RIMBP2: variants seen among roughly 807,000 people sequenced by gnomAD.
The protein encoded by RIMBP2 is RIMS-binding protein 2.
In RIMBP2, 48 loss-of-function variants were observed where a neutral mutation model predicts 118.6. The observed-to-expected ratio is 0.40, with a 90% CI of 0.32 to 0.51. The LOEUF is 0.51. Among genes scored for constraint, RIMBP2 ranks in the 20% least tolerant of loss-of-function variants. The probability of loss-of-function intolerance (pLI) is 0.41; values close to 1 mark genes in which losing one functional copy is unlikely to be tolerated. For synonymous variants in RIMBP2, 762 were observed against 742.9 expected (o/e 1.03, Z -0.42); for missense variants, 1,551 against 1,768.3 (o/e 0.88, Z 2.20).
intron 9 of RIMBP2, among the ~76,000 whole-genome samples, chr12:130,448,877 C>T (rs529843732): frequency 1.2e-4 from 18 of 152,366 alleles, no homozygotes; most frequent in Middle Eastern, 3.4e-3. Context: ...GTATTACCAA[C>T]GAGCGGAATG....
At chr12:130,524,640 G>T (rs530438914) in intron 2 of RIMBP2, among the ~76,000 whole-genome samples, 67 of 152,322 alleles carry the variant, frequency 4.4e-4, no homozygotes, top group Non-Finnish European at 6.9e-4. Flanking sequence ...TGAAATAATA[G>T]AAAAATAATA....
rs1306786371 is a variant in RIMBP2 at position 130,713,134 on chromosome 12, G to A, written c.-352+3088C>T. ...AAGGAGAGAAAGAGAGGGAAGAAGG[G>A]GACAGAGACTGAAAGAAACGGAATA... On this transcript the variant is annotated intron_variant, in intron 1 of 22. Transcript: ENST00000690449. Among the ~76,000 whole-genome samples the A allele has an allele frequency of 4.5e-4, 3 of 6,656 alleles. No homozygotes were observed. In the Non-Finnish European group the frequency reaches 0.026, roughly 58 times the overall value. The allele number at this position is 6,656 out of a possible 152,430, so 4.4% of individuals were successfully genotyped here.
intron 2 of RIMBP2, among the ~76,000 whole-genome samples, chr12:130,530,252 T>A (rs1158432415): frequency 6.6e-6 from 1 of 152,192 alleles, no homozygotes; most frequent in Admixed American, 6.5e-5. Flanking sequence ...ATATGTTCAA[T>A]ATGGCTCCTT....
At chr12:130,616,784 G>T (rs1184573944) in intron 2 of RIMBP2, among the ~76,000 whole-genome samples, 1 of 152,168 alleles carries the variant, frequency 6.6e-6, no homozygotes, top group Non-Finnish European at 1.5e-5. Context: ...CTTCTACATC[G>T]CCATGTGGCA....
chr12:130,454,518 G>C (rs775590795), intron 7 of RIMBP2, among the ~76,000 whole-genome samples: 1 of 152,232 alleles, frequency 6.6e-6, no homozygotes, highest in Non-Finnish European at 1.5e-5. Flanking sequence ...AATGCCAGGG[G>C]ATATGGGCAT....
chr12:130,414,292 C>A lies in RIMBP2; in HGVS notation c.3253G>T (p.Asp1085Tyr), dbSNP rs2075962674. Residue 1085 changes from aspartate (D) to tyrosine (Y), a missense_variant, in exon 18 of 23, where the codon GAC (aspartate) becomes TAC (tyrosine). Transcript: ENST00000690449. Reference sequence around the variant, plus strand: ...TCATAGAAGTCTGGAGAAAGGCGGTCTCGCCCGTAATCGTCTGCGAGCAAG... The same window carrying A: ...TCATAGAAGTCTGGAGAAAGGCGGTATCGCCCGTAATCGTCTGCGAGCAAG... ...TVPSIDDYGR[D>Y]RLSPDFYEES... is the part of the protein sequence containing the mutation. The A allele has an allele frequency of 6.3e-7, 1 of 1,595,824 alleles. No homozygotes were observed. Among genetic ancestry groups the A allele is most frequent in the African/African-American group, 1.3e-5 (1 of 74,448 alleles).
At chr12:130,676,180 G>T (rs980094581) in intron 1 of RIMBP2, among the ~76,000 whole-genome samples, 1 of 152,200 alleles carries the variant, frequency 6.6e-6, no homozygotes, top group Non-Finnish European at 1.5e-5. Context: ...CGTTGATGGG[G>T]TTTTGCCACA....
intron 7 of RIMBP2, among the ~76,000 whole-genome samples, chr12:130,455,779 T>A (rs2079385639): frequency 1.3e-5 from 2 of 152,140 alleles, no homozygotes. Flanking sequence ...TTAAACCAAC[T>A]TCTTAAACAG....
intron 19 of RIMBP2, among the ~76,000 whole-genome samples, chr12:130,411,319 A>C (rs7978246): frequency 0.77 from 117,022 of 151,964 alleles, 45,208 homozygotes; most frequent in South Asian, 0.9. Flanking sequence ...GTATTCCTTC[A>C]TTTCCAGTCT....
intron 2 of RIMBP2, among the ~76,000 whole-genome samples, chr12:130,608,740 T>C (rs921262228): frequency 2.6e-5 from 4 of 152,244 alleles, no homozygotes; most frequent in Non-Finnish European, 5.9e-5. Context: ...CCTTGTGGAA[T>C]GGTTAAATCT....
intron 2 of RIMBP2, among the ~76,000 whole-genome samples, chr12:130,565,226 T>C (rs912917623): frequency 1.3e-5 from 2 of 152,302 alleles, no homozygotes. Flanking sequence ...ATGCCTATTA[T>C]TTAAAATAAT....
At chr12:130,563,748 A>G (rs1002546929) in intron 2 of RIMBP2, among the ~76,000 whole-genome samples, 2 of 152,032 alleles carry the variant, frequency 1.3e-5, no homozygotes, top group Non-Finnish European at 2.9e-5. Context: ...GTTCACAGGT[A>G]CTCTCATCTC....
chr12:130,537,135 G>A (rs1051774684), intron 2 of RIMBP2, among the ~76,000 whole-genome samples: 9 of 152,096 alleles, frequency 5.9e-5, no homozygotes, highest in Non-Finnish European at 1.0e-4. Context: ...GGGGTTCCAG[G>A]GCAGAACAAT....
chr12:130,503,266 T>C (rs1312774723), intron 4 of RIMBP2, among the ~76,000 whole-genome samples: 1 of 151,462 alleles, frequency 6.6e-6, no homozygotes, highest in Non-Finnish European at 1.5e-5. Flanking sequence ...TGTGGTGGTG[T>C]GTGTCTGTAA....
Position 130,703,688 on chromosome 12 carries a change from G to A in RIMBP2, c.-352+12534C>T, listed in dbSNP as rs534386305. 4.1e-4 allele frequency among the ~76,000 whole-genome samples: 63 copies of A among 152,342 alleles called. No individual in the cohort carries two copies. The highest frequency in any genetic ancestry group is 1.3e-3 in the African/African-American group (56 of 41,586). ...CCACCGCTCAGCCTCCCCTGGGGTC[G>A]GGTGGCTTCTCCACGTCTTAAATAA... On this transcript the variant is annotated intron_variant, in intron 1 of 22. Coordinates refer to ENST00000690449, the MANE Select transcript of RIMBP2 (RefSeq NM_001393629.1). This position sits in a 1 kb window ranked among gnomAD's most constrained non-coding sequence, Gnocchi z 5.7.
In RIMBP2 at chr12:130,496,520, G is replaced by A. The variant is rs144174828; in HGVS notation, c.-4+10128C>T. ...GCAGCTCTGGGGTAGAGGAGGCTGC[G>A]AGGGGTGAGGCTCCATCCACTTCCT... is the stretch of plus-strand genomic sequence containing the variant. On this transcript the variant is annotated intron_variant, in intron 4 of 22. Coordinates refer to ENST00000690449, the MANE Select transcript of RIMBP2 (RefSeq NM_001393629.1). 2.3e-4 allele frequency among the ~76,000 whole-genome samples: 35 copies of A among 152,266 alleles called. No homozygotes were observed. The East Asian group carries it at 3.5e-3, about 15-fold the overall frequency.
rs144530161 is a variant in RIMBP2, at chr12:130,449,384, T to C, written c.581+816A>G. Among the ~76,000 whole-genome samples the C allele has an allele frequency of 7.2e-5, 11 of 152,320 alleles. No homozygotes were observed. The East Asian group carries it at 2.1e-3, about 29-fold the overall frequency. ...AAGCTCCCGTGGAGGACCTGAGAGG[T>C]GTGCGGGACAAAACTGGCTCATTAC... On this transcript the variant is annotated intron_variant, in intron 9 of 22. Transcript: ENST00000690449.
intron 2 of RIMBP2, among the ~76,000 whole-genome samples, chr12:130,577,434 G>A (rs977057608): frequency 6.6e-6 from 1 of 152,182 alleles, no homozygotes; most frequent in African/African-American, 2.4e-5. Context: ...GGAGGCCTCA[G>A]GAAACTTACA....
At chr12:130,655,874 G>A (rs2063406761) in intron 1 of RIMBP2, among the ~76,000 whole-genome samples, 1 of 152,244 alleles carries the variant, frequency 6.6e-6, no homozygotes, top group Admixed American at 6.5e-5. Flanking sequence ...CGGGAATGTG[G>A]GCGGAGGCAC....
Sources: gnomAD v4.1 joint callset for allele counts (sites outside exome capture counted in the v4.1 genomes callset) on GRCh38, gnomAD v4.1.1 for gene constraint, Gnocchi (gnomAD v3.1) non-coding constraint, MANE v1.5 for transcripts, NCBI Gene and HGNC (gene_info 2026-07-23, HGNC 2026-07-21) for gene names.